CCR9: variants seen among roughly 807,000 people sequenced by gnomAD.
CCR9 encodes C-C chemokine receptor type 9.
Under a neutral mutation model 8.7 loss-of-function variants are expected in CCR9, and 4 were observed. The ratio of observed to expected loss-of-function variants is 0.46; its 90% CI spans 0.23 to 1.06. The LOEUF (loss-of-function observed/expected upper bound fraction) is 1.06. CCR9 is among the 50% of genes least tolerant of loss of function. The pLI, the probability that CCR9 is intolerant of heterozygous loss-of-function variation, is 0.21. For missense variants in CCR9, 394 were observed against 453.6 expected, an observed-to-expected ratio of 0.87 and a Z score of 1.19; for synonymous variants, 159 against 168.8, an observed-to-expected ratio of 0.94 and a Z score of 0.45.
At chr3:45,890,273 T>TATATATATAAATATATATATAAC (rs1702112353) in intron 1 of CCR9, among the ~76,000 whole-genome samples, 6 of 20,894 alleles carry the variant, frequency 2.9e-4, no homozygotes, top group Non-Finnish European at 5.9e-4. Flanking sequence ...ATATATAACA[T>TATATATATAAATATATATATAAC]ATATATATAT....
chr3:45,888,016 G>A (rs1702036341), intron 1 of CCR9, among the ~76,000 whole-genome samples: 1 of 152,240 alleles, frequency 6.6e-6, no homozygotes, highest in Non-Finnish European at 1.5e-5. Context: ...CTATAAGTGT[G>A]GGGAGATGCT....
chr3:45,892,453 C>T (rs1293079861), intron 1 of CCR9, among the ~76,000 whole-genome samples: 1 of 152,102 alleles, frequency 6.6e-6, no homozygotes, highest in Admixed American at 6.5e-5. Flanking sequence ...AGTGAATTAA[C>T]ACAGAACAGA....
intron 1 of CCR9, among the ~76,000 whole-genome samples, chr3:45,890,930 G>T (rs1702159943): frequency 6.6e-6 from 1 of 152,142 alleles, no homozygotes; most frequent in African/African-American, 2.4e-5. Context: ...GTGGGAAAAA[G>T]AAAATAAAAG....
rs1346189977 is a variant in CCR9 at position 45,901,704 on chromosome 3, G to A, written c.916G>A (p.Ala306Thr). 2.5e-6 allele frequency: 4 copies of A among 1,613,978 alleles called. No individual in the cohort carries two copies. Among genetic ancestry groups the A allele is most frequent in the Non-Finnish European group, 3.4e-6 (4 of 1,179,978 alleles). ...CTGCTTCCAGGTCACCCAGACCATC[G>A]CCTTCTTCCACAGTTGCCTGAACCC... ...DICFQVTQTI[A>T]FFHSCLNPVL... Residue 306 changes from alanine (A) to threonine (T), a missense_variant, in exon 3 of 3, where the codon GCC becomes ACC. Physicochemically the swap from Ala to Thr is moderately conservative, Grantham distance 58. Transcript: ENST00000357632. The surrounding 1 kb of genome is among the most constrained non-coding windows in gnomAD (Gnocchi z 4.3).
At chr3:45,888,701 T>C (rs76878061) in intron 1 of CCR9, among the ~76,000 whole-genome samples, 53 of 152,296 alleles carry the variant, frequency 3.5e-4, no homozygotes, top group African/African-American at 1.2e-3. Context: ...TTCCCCCCTA[T>C]ATTTTTCCCG....
chr3:45,892,863 T>A (rs2125746569), intron 1 of CCR9, among the ~76,000 whole-genome samples: 1 of 152,306 alleles, frequency 6.6e-6, no homozygotes, highest in Admixed American at 6.5e-5. Flanking sequence ...GAGGAAGTTC[T>A]GGTTGCTTTC....
rs1225462975 is a variant in CCR9 at position 45,901,327 on chromosome 3, G to C, written c.539G>C (p.Cys180Ser). ...FTIWVLAAAL[C>S]IPEILYSQIK... The stretch of plus-strand genomic sequence containing the variant: ...ATCTGGGTATTGGCAGCTGCTCTCT[G>C]CATCCCAGAAATCTTATACAGCCAA... The change falls in exon 3 of 3, where the codon TGC becomes TCC. Residue 180 changes from cysteine to serine, a missense_variant. Coordinates refer to ENST00000357632, the MANE Select transcript of CCR9 (RefSeq NM_031200.3). This position sits in a 1 kb window ranked among gnomAD's most constrained non-coding sequence, Gnocchi z 4.3. 6.2e-7 allele frequency: 1 copy of C among 1,614,136 alleles called. No individual in the cohort carries two copies.
Position 45,901,498 on chromosome 3 carries a change from T to C in CCR9, c.710T>C (p.Ile237Thr). The C allele has an allele frequency of 1.2e-6, 2 of 1,614,182 alleles. No individual in the cohort carries two copies. Among genetic ancestry groups the C allele is most frequent in the Non-Finnish European group, 8.5e-7 (1 of 1,180,026 alleles). Reference sequence around the variant, plus strand: ...GTCATGGCTTGCTGCTATACCATCATCATTCACACCCTGATACAAGCCAAG... The same window carrying C: ...GTCATGGCTTGCTGCTATACCATCACCATTCACACCCTGATACAAGCCAAG... ...FVVMACCYTI[I>T]IHTLIQAKKS... The change falls in exon 3 of 3, where the codon ATC (isoleucine) becomes ACC (threonine). Residue 237 changes from isoleucine to threonine, a missense_variant. Physicochemically the swap from Ile to Thr is moderately conservative, Grantham distance 89 (BLOSUM62 -1). Transcript: ENST00000357632. The surrounding 1 kb of genome is among the most constrained non-coding windows in gnomAD (Gnocchi z 4.3).
intron 2 of CCR9, 190 bp downstream of exon 2, chr3:45,895,144 G>C: frequency 1.6e-6 from 1 of 634,478 alleles, no homozygotes; most frequent in Non-Finnish European, 2.8e-6. Context: ...ATGCAAAGAG[G>C]CAGCTATGCT....
chr3:45,901,805 C>T lies in CCR9; in HGVS notation c.1017C>T (p.Ser339=). ...VKTLKNLGCI[S]QAQWVSFTRR... Reference sequence around the variant, plus strand: ...CCCTGAAGAACTTGGGTTGCATCAGCCAGGCCCAGTGGGTTTCATTTACAA... The same window carrying T: ...CCCTGAAGAACTTGGGTTGCATCAGTCAGGCCCAGTGGGTTTCATTTACAA... Residue 339 remains serine (S), a synonymous_variant, in exon 3 of 3, where the codon AGC becomes AGT. Transcript: ENST00000357632. The surrounding 1 kb of genome is among the most constrained non-coding windows in gnomAD (Gnocchi z 4.3). 6.2e-7 allele frequency: 1 copy of T among 1,614,096 alleles called. No homozygotes were observed. The highest frequency in any genetic ancestry group is 1.1e-5 in the South Asian group (1 of 91,080).
chr3:45,888,671 G>A (rs888659719), intron 1 of CCR9, among the ~76,000 whole-genome samples: 1 of 152,182 alleles, frequency 6.6e-6, no homozygotes, highest in African/African-American at 2.4e-5. Flanking sequence ...CTCTCAGTAT[G>A]TTTGGTCATA....
intron 2 of CCR9, 132 bp downstream of exon 2, chr3:45,895,086 A>G: frequency 1.0e-6 from 1 of 956,498 alleles, no homozygotes. Flanking sequence ...TCTGCCTGGC[A>G]ATGCGCATTG....
At chr3:45,896,808 T>C (rs752520182) in intron 2 of CCR9, among the ~76,000 whole-genome samples, 5 of 152,222 alleles carry the variant, frequency 3.3e-5, no homozygotes, top group Non-Finnish European at 5.9e-5. Context: ...ATCTCCCCCA[T>C]TGCCTTGTGC....
chr3:45,892,683 T>A (rs1702224044), intron 1 of CCR9, among the ~76,000 whole-genome samples: 3 of 152,042 alleles, frequency 2.0e-5, no homozygotes, highest in Admixed American at 6.6e-5. Context: ...TTTACCTATA[T>A]GACAAACCTG....
intron 1 of CCR9, among the ~76,000 whole-genome samples, chr3:45,889,687 T>C (rs1286276730): frequency 1.4e-5 from 2 of 143,608 alleles, no homozygotes; most frequent in Non-Finnish European, 3.1e-5. Flanking sequence ...TCTTTTTCTA[T>C]TTTTTTTTTT....
In CCR9 at chr3:45,901,773, G is replaced by A. The variant is rs200829701; in HGVS notation, c.985G>A (p.Val329Met). Reference protein sequence around the residue: ...FVGERFRRDLVKTLKNLGCIS... With the variant: ...FVGERFRRDLMKTLKNLGCIS... ...GGGTGAGAGATTCCGCCGGGATCTC[G>A]TGAAAACCCTGAAGAACTTGGGTTG... The change falls in exon 3 of 3, where the codon GTG (valine) becomes ATG (methionine). Residue 329 changes from valine (V) to methionine (M), a missense_variant. Physicochemically the swap from Val to Met is conservative, Grantham distance 21. Coordinates refer to ENST00000357632, the MANE Select transcript of CCR9 (RefSeq NM_031200.3). The surrounding 1 kb of genome is among the most constrained non-coding windows in gnomAD (Gnocchi z 4.3). 1.9e-5 allele frequency: 30 copies of A among 1,614,038 alleles called. No individual in the cohort carries two copies. The highest frequency in any genetic ancestry group is 2.2e-5 in the East Asian group (1 of 44,892).
At chr3:45,894,885 T>G in intron 1 of CCR9, 21 bp from the exon 2 acceptor site, 1 of 1,603,210 alleles carries the variant, frequency 6.2e-7, no homozygotes, top group East Asian at 2.2e-5. Context: ...GTCCACTTTT[T>G]GATTTTTGTC....
intron 1 of CCR9, among the ~76,000 whole-genome samples, chr3:45,892,018 C>T (rs1702193791): frequency 6.6e-6 from 1 of 152,112 alleles, no homozygotes; most frequent in African/African-American, 2.4e-5. Flanking sequence ...TCAAATCCAA[C>T]ACCATCAACA....
In CCR9 at chr3:45,895,115, A is replaced by G. The variant is rs931224700; in HGVS notation, c.21+161A>G. 3 of 750,228 alleles carry G rather than the reference A, an allele frequency of 4.0e-6. No individual in the cohort carries two copies. In the Admixed American group the frequency reaches 6.4e-5, roughly 16 times the overall value. 46.5% of individuals were successfully genotyped at this position (750,228 alleles called of 1,614,324 possible). ...CGCATTGCTGGGTAGGTTGTTGTCCAGCACAGAGGGTTTTGCAAATGCAAA... is the reference window on the plus strand; with the variant it reads ...CGCATTGCTGGGTAGGTTGTTGTCCGGCACAGAGGGTTTTGCAAATGCAAA... On this transcript the variant is annotated intron_variant, in intron 2 of 2. Transcript: ENST00000357632.
Sources: gnomAD v4.1 joint callset for allele counts (sites outside exome capture counted in the v4.1 genomes callset) on GRCh38, gnomAD v4.1.1 for gene constraint, Gnocchi (gnomAD v3.1) non-coding constraint, MANE v1.5 for transcripts, NCBI Gene and HGNC (gene_info 2026-07-23, HGNC 2026-07-21) for gene names.